BAIAP2L2: variants seen among roughly 807,000 people sequenced by gnomAD.
BAIAP2L2 encodes BAR/IMD domain-containing adapter protein 2-like 2.
In BAIAP2L2, 65 loss-of-function variants were observed where a neutral mutation model predicts 60.4. The observed-to-expected ratio is 1.08, with a 90% CI of 0.88 to 1.32. The LOEUF is 1.32. BAIAP2L2 is among the 40% of genes most tolerant of loss of function. The probability of loss-of-function intolerance (pLI) is 0.00; values close to 1 mark genes in which losing one functional copy is unlikely to be tolerated. For missense variants in BAIAP2L2, 836 were observed against 741.2 expected (o/e 1.13, Z -1.48); for synonymous variants, 344 against 301.7 (o/e 1.14, Z -1.45).
chr22:38,109,252 G>A (rs373405276), intron 1 of BAIAP2L2, 44 bp from the exon 2 acceptor site: 23 of 1,491,822 alleles, frequency 1.5e-5, no homozygotes, highest in Non-Finnish European at 2.1e-5. Context: ...AGAGATGGGG[G>A]AGCGAGAAGG....
intron 4 of BAIAP2L2, among the ~76,000 whole-genome samples, chr22:38,105,329 T>TTTTTC (rs1371314523): frequency 5.8e-5 from 8 of 137,058 alleles, no homozygotes; most frequent in Middle Eastern, 3.9e-3. Context: ...CCTTCAGCCC[T>TTTTTC]TTTTCTTTTC....
Position 38,108,309 on chromosome 22 carries a change from C to T in BAIAP2L2, c.160G>A (p.Ala54Thr). Residue 54 changes from alanine (A) to threonine (T), a missense_variant, in exon 3 of 14, where the codon GCC becomes ACC. Physicochemically the swap from Ala to Thr is moderately conservative, Grantham distance 58. Coordinates refer to ENST00000381669, the MANE Select transcript of BAIAP2L2 (RefSeq NM_025045.6). Reference protein sequence around the residue: ...LSEAAEVYFSAIQKIGERALQ... With the variant: ...LSEAAEVYFSTIQKIGERALQ... ...GCACGCTCCCCAATCTTCTGGATGG[C>T]ACTGAAGTAGACCTCGGCCGCCTCG... The T allele has an allele frequency of 6.2e-7, 1 of 1,612,790 alleles. No individual in the cohort carries two copies. Among genetic ancestry groups the T allele is most frequent in the Non-Finnish European group, 8.5e-7 (1 of 1,179,932 alleles).
intron 4 of BAIAP2L2, among the ~76,000 whole-genome samples, chr22:38,101,386 A>C (rs865869706): frequency 0.019 from 2,644 of 142,412 alleles, 151 homozygotes; most frequent in African/African-American, 0.063. Flanking sequence ...AAAAAAAAAA[A>C]AAAAAAAAAA....
chr22:38,086,321 G>A lies in BAIAP2L2; in HGVS notation c.1388C>T (p.Ala463Val), dbSNP rs1158183006. 1.3e-6 allele frequency: 2 copies of A among 1,580,266 alleles called. No individual in the cohort carries two copies. Among genetic ancestry groups the A allele is most frequent in the East Asian group, 2.3e-5 (1 of 44,242 alleles). The change falls in exon 12 of 14, where the codon GCC (alanine) becomes GTC (valine). Residue 463 changes from alanine (A) to valine (V), a missense_variant. Coordinates refer to ENST00000381669, the MANE Select transcript of BAIAP2L2 (RefSeq NM_025045.6). Reference sequence around the variant, plus strand: ...CAAGGGTGGAGGTGCAGGGCTGGGGGCACGGCTTGGCACCCGGCTTGGGGT... The same window carrying A: ...CAAGGGTGGAGGTGCAGGGCTGGGGACACGGCTTGGCACCCGGCTTGGGGT... ...SRTPSRVPSR[A>V]PSPAPPPLPS... is the part of the protein sequence containing the mutation.
At position 38,086,409 on chromosome 22, in the gene BAIAP2L2, G is replaced by A. The variant is rs752815252; in HGVS notation, c.1300C>T (p.Leu434=). 6 of 1,531,674 alleles carry A rather than the reference G, an allele frequency of 3.9e-6. No homozygotes were observed. The African/African-American group carries it at 5.5e-5, about 14-fold the overall frequency. 94.9% of individuals were successfully genotyped at this position (1,531,674 alleles called of 1,614,324 possible). A position where few individuals can be genotyped will look rare whatever the true frequency, so the allele number is the denominator to read the frequency against. ...LRGSHSLDDL[L]DRPGNSIAPS... is the part of the protein sequence containing the mutation. ...GCTATGGAGTTGCCCGGCCGGTCCA[G>A]GAGGTCATCGAGGCTGTGGCTGCCC... The change falls in exon 12 of 14, where the codon CTG becomes TTG. Residue 434 remains leucine, a synonymous_variant. Transcript: ENST00000381669.
rs748758644 is a variant in BAIAP2L2 at position 38,098,515 on chromosome 22, C to A, written c.277-33G>T. The stretch of plus-strand genomic sequence containing the variant: ...GAGTGCAGGGTGAGGGTGATCAAGG[C>A]CCCCCTACTGTTCCCAGGCCCCAGC... On this transcript the variant is annotated intron_variant, in intron 4 of 13. Coordinates refer to ENST00000381669, the MANE Select transcript of BAIAP2L2 (RefSeq NM_025045.6). 4.4e-6 allele frequency: 7 copies of A among 1,584,358 alleles called. No homozygotes were observed. In the African/African-American group the frequency reaches 6.7e-5, roughly 15 times the overall value.
chr22:38,087,586 G>A (rs950754056), intron 10 of BAIAP2L2, among the ~76,000 whole-genome samples: 1 of 151,980 alleles, frequency 6.6e-6, no homozygotes. Flanking sequence ...CCTCTGCTGT[G>A]GGTCTGTGAA....
intron 5 of BAIAP2L2, 97 bp downstream of exon 5, chr22:38,098,314 C>A: frequency 1.4e-6 from 2 of 1,449,660 alleles, no homozygotes; most frequent in South Asian, 2.3e-5. Context: ...GGGGCCCAGT[C>A]AGTGCTCAGC....
At chr22:38,101,684 T>C (rs1477694511) in intron 4 of BAIAP2L2, among the ~76,000 whole-genome samples, 2 of 150,440 alleles carry the variant, frequency 1.3e-5, no homozygotes, top group Non-Finnish European at 3.0e-5. Flanking sequence ...TGAAACCCCA[T>C]CTCTACTAAA....
At chr22:38,108,474 G>T in intron 2 of BAIAP2L2, 133 bp from the exon 3 acceptor site, 1 of 670,052 alleles carries the variant, frequency 1.5e-6, no homozygotes, top group Non-Finnish European at 2.6e-6. Flanking sequence ...TGAGGAGGGT[G>T]TGACCAGTTG....
chr22:38,085,007 G>GA lies in BAIAP2L2; in HGVS notation c.*292_*293insT, dbSNP rs2086009052. The GA allele has an allele frequency of 3.1e-6, 1 of 319,510 alleles. No individual in the cohort carries two copies. Among genetic ancestry groups the GA allele is most frequent in the Non-Finnish European group, 5.8e-6 (1 of 171,626 alleles). The allele number at this position is 319,510 out of a possible 1,614,324, so 19.8% of individuals were successfully genotyped here. On this transcript the variant is annotated 3_prime_UTR_variant, in exon 14 of 14. Transcript: ENST00000381669. The stretch of plus-strand genomic sequence containing the variant: ...GGCTCCTCCCCACGGGGGCAGAAAA[G>GA]GGGGAAAGAGGTTAGGGGGCAAGAG...
intron 4 of BAIAP2L2, among the ~76,000 whole-genome samples, chr22:38,099,868 A>C (rs539331927): frequency 1.3e-5 from 2 of 152,302 alleles, no homozygotes; most frequent in South Asian, 4.1e-4. Flanking sequence ...CCACGGGGCT[A>C]GGGGATCGCC....
At chr22:38,103,269 A>T (rs994260553) in intron 4 of BAIAP2L2, among the ~76,000 whole-genome samples, 1 of 152,178 alleles carries the variant, frequency 6.6e-6, no homozygotes, top group Non-Finnish European at 1.5e-5. Flanking sequence ...CAATAGAAAT[A>T]AAGAGACAGA....
chr22:38,094,085 A>G, intron 7 of BAIAP2L2: 1 of 443,890 alleles, frequency 2.3e-6, no homozygotes, highest in Non-Finnish European at 4.6e-6. Flanking sequence ...TTCTGTTTAT[A>G]TGAAATGTCC....
intron 4 of BAIAP2L2, among the ~76,000 whole-genome samples, chr22:38,100,522 G>A (rs1385006285): frequency 1.6e-5 from 2 of 125,166 alleles, no homozygotes; most frequent in South Asian, 2.7e-4. Context: ...GTGGAACTCC[G>A]TCTCAATAAA....
At chr22:38,088,528 C>A (rs771388138) in intron 10 of BAIAP2L2, among the ~76,000 whole-genome samples, 3 of 152,234 alleles carry the variant, frequency 2.0e-5, no homozygotes, top group Non-Finnish European at 2.9e-5. Flanking sequence ...CCTCTGCCCG[C>A]TCTCAAGGAC....
chr22:38,108,511 T>A (rs1461230552), intron 2 of BAIAP2L2, among the ~76,000 whole-genome samples, 170 bp from the exon 3 acceptor site: 1 of 151,598 alleles, frequency 6.6e-6, no homozygotes. Flanking sequence ...TGCAGGGGCA[T>A]AAGGTGAGGG....
At chr22:38,109,544 T>C (rs2086748929) in intron 1 of BAIAP2L2, among the ~76,000 whole-genome samples, 2 of 152,164 alleles carry the variant, frequency 1.3e-5, no homozygotes, top group African/African-American at 4.8e-5. Flanking sequence ...CTGGCCCGCC[T>C]GCTGTGGTCC....
At position 38,098,187 on chromosome 22, in the gene BAIAP2L2, A is replaced by AG; in HGVS notation, c.349-9dup. 1 of 1,613,686 alleles carries AG rather than the reference A, an allele frequency of 6.2e-7. No individual in the cohort carries two copies. Among genetic ancestry groups the AG allele is most frequent in the Non-Finnish European group, 8.5e-7 (1 of 1,179,804 alleles). ...ATAGTGCTGGCGGCTGTCCTGGGGT[A>AG]GGGTGGAGTCGGGGAGGGAGAATCC... is the stretch of plus-strand genomic sequence containing the variant. On this transcript the variant is annotated splice_polypyrimidine_tract_variant and intron_variant, in intron 5 of 13. Transcript: ENST00000381669.
Sources: gnomAD v4.1 joint callset for allele counts (sites outside exome capture counted in the v4.1 genomes callset) on GRCh38, gnomAD v4.1.1 for gene constraint, MANE v1.5 for transcripts, NCBI Gene and HGNC (gene_info 2026-07-23, HGNC 2026-07-21) for gene names.